Variants in CHRNA5 observed in about 807,000 individuals in gnomAD.
CHRNA5 encodes neuronal acetylcholine receptor subunit alpha-5.
CHRNA5 carries 28 observed loss-of-function variants against 41.2 expected under a neutral mutation model. The ratio of observed to expected loss-of-function variants is 0.68; its 90% CI spans 0.50 to 0.93. The LOEUF is 0.93. CHRNA5 is among the 40% of genes least tolerant of loss of function. The pLI is 0.00. For missense variants in CHRNA5, 481 were observed against 581.9 expected (o/e 0.83, Z 1.78); for synonymous variants, 188 against 205.8 (o/e 0.91, Z 0.74).
intron 1 of CHRNA5, among the ~76,000 whole-genome samples, chr15:78,576,008 T>C (rs1006706266): frequency 1.3e-5 from 2 of 152,232 alleles, no homozygotes; most frequent in African/African-American, 2.4e-5. Context: ...TTATTATTCA[T>C]TTATAATAGT....
intron 1 of CHRNA5, among the ~76,000 whole-genome samples, chr15:78,567,655 G>A (rs1438118267): frequency 6.6e-6 from 1 of 152,004 alleles, no homozygotes; most frequent in Non-Finnish European, 1.5e-5. Context: ...TCTTTGTATC[G>A]CCAACACCTG....
intron 1 of CHRNA5, among the ~76,000 whole-genome samples, chr15:78,572,869 A>G (rs1237782288): frequency 3.3e-5 from 5 of 152,202 alleles, no homozygotes; most frequent in African/African-American, 9.6e-5. Flanking sequence ...AATTTAAAAT[A>G]TCTACACGTC....
chr15:78,588,292 G>A lies in CHRNA5; in HGVS notation c.304-22G>A. On this transcript the variant is annotated intron_variant, in intron 3 of 5. Coordinates refer to ENST00000299565, the Ensembl canonical transcript of CHRNA5. The surrounding 1 kb of genome is among the most constrained non-coding windows in gnomAD (Gnocchi z 4.1). ...TGACTATTAGTTTTATTGAAATTGA[G>A]GCAGATTTCTTTGTTTTAAAGGAAT... 2.4e-6 allele frequency: 3 copies of A among 1,265,080 alleles called. No homozygotes were observed. The highest frequency in any genetic ancestry group is 3.3e-6 in the Non-Finnish European group (3 of 896,094). 78.4% of individuals were successfully genotyped at this position (1,265,080 alleles called of 1,614,324 possible).
chr15:78,567,208 G>A (rs1268458807), intron 1 of CHRNA5, among the ~76,000 whole-genome samples: 1 of 150,348 alleles, frequency 6.7e-6, no homozygotes, highest in African/African-American at 2.5e-5. Context: ...AGCCGAGATC[G>A]CGCCACTGCA....
intron 1 of CHRNA5, among the ~76,000 whole-genome samples, chr15:78,566,842 CAG>C (rs2052752302): frequency 1.3e-5 from 2 of 152,158 alleles, no homozygotes; most frequent in African/African-American, 2.4e-5. Flanking sequence ...AAATCCTGGG[CAG>C]AGAGAGTTAA....
At chr15:78,565,923 T>G in intron 1 of CHRNA5, 98 bp downstream of exon 1, 1 of 610,458 alleles carries the variant, frequency 1.6e-6, no homozygotes, top group Non-Finnish European at 2.3e-6. Flanking sequence ...GAAAACCTGG[T>G]TGCGAGGGGA....
chr15:78,585,462 A>G (rs1316284151), intron 2 of CHRNA5, among the ~76,000 whole-genome samples: 1 of 151,970 alleles, frequency 6.6e-6, no homozygotes, highest in African/African-American at 2.4e-5. Context: ...CCCCTGTCCT[A>G]TCTCCCCAGT....
At chr15:78,573,814 G>A (rs563767819) in intron 1 of CHRNA5, among the ~76,000 whole-genome samples, 3 of 148,664 alleles carry the variant, frequency 2.0e-5, no homozygotes, top group African/African-American at 5.0e-5. Flanking sequence ...TTTTTGAGAC[G>A]GAGTTTCACT....
At position 78,584,099 on chromosome 15, in the gene CHRNA5, C is replaced by T. The variant is rs546901443; in HGVS notation, c.259-2546C>T. The stretch of plus-strand genomic sequence containing the variant: ...CCAAAAAATGAAATGTCAGTGACTA[C>T]GAAAGCAGAAGAGGACTGCAGTCAG... On this transcript the variant is annotated intron_variant, in intron 2 of 5. Coordinates refer to ENST00000299565, the Ensembl canonical transcript of CHRNA5. Among the ~76,000 whole-genome samples, 4 of 152,078 alleles carry T rather than the reference C, an allele frequency of 2.6e-5. No individual in the cohort carries two copies. The South Asian group carries it at 6.2e-4, about 24-fold the overall frequency.
At position 78,588,210 on chromosome 15, in the gene CHRNA5, GATGATCTC is replaced by G. The variant is rs759579004; in HGVS notation, c.304-100_304-93del. The G allele has an allele frequency of 2.3e-4, 133 of 584,404 alleles. No individual in the cohort carries two copies. The Middle Eastern group carries it at 4.3e-3, about 19-fold the overall frequency. 36.2% of individuals were successfully genotyped at this position (584,404 alleles called of 1,614,324 possible). The stretch of plus-strand genomic sequence containing the variant: ...GGAGGTGTTCTCTATTGGGGGTAGA[GATGATCTC>G]ATGTCTAAAATTTCTGGTGTGACAA... On this transcript the variant is annotated intron_variant, in intron 3 of 5. Transcript: ENST00000299565. The surrounding 1 kb of genome is among the most constrained non-coding windows in gnomAD (Gnocchi z 4.1).
At chr15:78,573,532 G>A (rs1237671711) in intron 1 of CHRNA5, among the ~76,000 whole-genome samples, 3 of 152,186 alleles carry the variant, frequency 2.0e-5, no homozygotes, top group African/African-American at 4.8e-5. Context: ...TTGAATTAAC[G>A]AATTGAACAA....
intron 1 of CHRNA5, among the ~76,000 whole-genome samples, chr15:78,573,910 C>T (rs1332663845): frequency 1.3e-5 from 2 of 151,072 alleles, no homozygotes; most frequent in Non-Finnish European, 2.9e-5. Context: ...TCTTCTTCTG[C>T]CTCAGCCTCC....
intron 5 of CHRNA5, 161 bp from the exon 6 acceptor site, chr15:78,592,931 G>T: frequency 1.5e-6 from 1 of 680,636 alleles, no homozygotes; most frequent in South Asian, 2.3e-5. Context: ...AGACCTTCAG[G>T]CTAGTGTCTG....
In CHRNA5 at chr15:78,570,424, ATTT is replaced by A. The variant is rs71148540; in HGVS notation, c.106+4622_106+4624del. 9.2e-4 allele frequency among the ~76,000 whole-genome samples: 59 copies of A among 64,168 alleles called. 2 individuals carry two copies. Among genetic ancestry groups the A allele is most frequent in the Admixed American group, 3.5e-3 (14 of 3,946 alleles). The allele number at this position is 64,168 out of a possible 152,430, so 42.1% of individuals were successfully genotyped here. On this transcript the variant is annotated intron_variant, in intron 1 of 5. Coordinates refer to ENST00000299565, the Ensembl canonical transcript of CHRNA5. ...CAGGCATGTGCCACCAATCCCGGCT[ATTT>A]TTTTTTTTTTTTTTTTTTTTTTAGT...
intron 1 of CHRNA5, among the ~76,000 whole-genome samples, chr15:78,568,326 C>T (rs2052768656): frequency 6.6e-6 from 1 of 151,966 alleles, no homozygotes; most frequent in Non-Finnish European, 1.5e-5. Context: ...TTTAAACTGA[C>T]CTGTGATTGG....
intron 2 of CHRNA5, among the ~76,000 whole-genome samples, chr15:78,582,716 G>T (rs916881848): frequency 6.6e-6 from 1 of 152,184 alleles, no homozygotes; most frequent in Admixed American, 6.6e-5. Context: ...CAACGTGGCA[G>T]AGAGGAAAAG....
At chr15:78,589,546 TC>T (rs1228687844) in intron 4 of CHRNA5, 41 of 386,204 alleles carry the variant, frequency 1.1e-4, no homozygotes, top group African/African-American at 8.2e-4. Flanking sequence ...ATCATTAGAA[TC>T]TCAGGCTTCT....
chr15:78,593,309 C>T, exon 6 of CHRNA5: 1 of 1,457,134 alleles, frequency 6.9e-7, no homozygotes, highest in Admixed American at 2.5e-5. Flanking sequence ...TCTGATGGCA[C>T]CTATAAAATT....
rs202037986 is a variant in CHRNA5, at chr15:78,568,465, AT to A, written c.106+2650del. ...AGCTGTGTGACATTTTATTTTTTTA[AT>A]TTTTTTTTTAAAATATTACTTTAAG... On this transcript the variant is annotated intron_variant, in intron 1 of 5. Coordinates refer to ENST00000299565, the Ensembl canonical transcript of CHRNA5. Among the ~76,000 whole-genome samples the A allele has an allele frequency of 2.2e-3, 275 of 127,572 alleles. 2 individuals are homozygous for A. Among genetic ancestry groups the A allele is most frequent in the Non-Finnish European group, 3.7e-3 (220 of 58,676 alleles). 83.7% of individuals were successfully genotyped at this position (127,572 alleles called of 152,430 possible). A position where few individuals can be genotyped will look rare whatever the true frequency, so the allele number is the denominator to read the frequency against.
Sources: allele counts gnomAD v4.1 joint callset (sites outside exome capture counted in the v4.1 genomes callset), GRCh38; gene constraint gnomAD v4.1.1; non-coding constraint Gnocchi (gnomAD v3.1); transcripts MANE v1.5; gene names NCBI Gene and HGNC (gene_info 2026-07-23, HGNC 2026-07-21).